The following FRMD4A variants were observed in gnomAD, a reference collection of about 807,000 sequenced individuals.
The protein encoded by FRMD4A is FERM domain-containing protein 4A.
In FRMD4A, 29 loss-of-function variants were observed where a neutral mutation model predicts 129.1. The ratio of observed to expected loss-of-function variants is 0.22; its 90% CI spans 0.17 to 0.31. FRMD4A has a LOEUF of 0.31. Ranked by LOEUF, FRMD4A falls within the 10% of genes least tolerant of loss-of-function variation. The pLI is 1.00. For missense variants in FRMD4A, 1,272 were observed against 1,375.8 expected, an observed-to-expected ratio of 0.92 and a Z score of 1.19; for synonymous variants, 634 against 571.6, an observed-to-expected ratio of 1.11 and a Z score of -1.56.
At chr10:13,824,321 C>CATAAAA (rs2093670064) in intron 3 of FRMD4A, among the ~76,000 whole-genome samples, 1 of 99,060 alleles carries the variant, frequency 1.0e-5, no homozygotes, top group African/African-American at 4.1e-5. Context: ...ACTAAAAATA[C>CATAAAA]AAAAAAAAAA....
At chr10:13,680,551 C>A (rs1417695853) in intron 15 of FRMD4A, among the ~76,000 whole-genome samples, 1 of 150,762 alleles carries the variant, frequency 6.6e-6, no homozygotes, top group Non-Finnish European at 1.5e-5. Context: ...ATGGCGAAAC[C>A]CTGTCTTCTA....
At chr10:13,650,397 C>T (rs952744785) in intron 24 of FRMD4A, among the ~76,000 whole-genome samples, 1 of 152,026 alleles carries the variant, frequency 6.6e-6, no homozygotes, top group Non-Finnish European at 1.5e-5. Context: ...CCTGCATGTG[C>T]ACATGTATGC....
intron 2 of FRMD4A, among the ~76,000 whole-genome samples, chr10:14,013,799 T>G (rs901006245): frequency 6.6e-6 from 1 of 152,064 alleles, no homozygotes; most frequent in African/African-American, 2.4e-5. Context: ...GGTGTGGTGG[T>G]GCATCCCTGT....
At chr10:14,015,958 G>A (rs1054928072) in intron 2 of FRMD4A, among the ~76,000 whole-genome samples, 11 of 152,150 alleles carry the variant, frequency 7.2e-5, no homozygotes, top group East Asian at 1.9e-4. Context: ...TCCATTGACC[G>A]CCTCCCTCTT....
chr10:14,103,690 C>A (rs992200364), intron 2 of FRMD4A, among the ~76,000 whole-genome samples: 1 of 152,058 alleles, frequency 6.6e-6, no homozygotes, highest in Non-Finnish European at 1.5e-5. Context: ...CTCATTAGTA[C>A]ATAATTGCTA....
chr10:13,994,430 G>A (rs2095615385), intron 2 of FRMD4A, among the ~76,000 whole-genome samples: 2 of 151,908 alleles, frequency 1.3e-5, no homozygotes, highest in South Asian at 4.2e-4. Flanking sequence ...GCCTGCCTCG[G>A]CCTCCCAAAG....
intron 2 of FRMD4A, among the ~76,000 whole-genome samples, chr10:14,142,356 T>G (rs749534053): frequency 6.6e-5 from 10 of 152,176 alleles, no homozygotes; most frequent in Non-Finnish European, 1.5e-4. Context: ...GTCAGGCAAT[T>G]TAAGCAGAAA....
At chr10:13,772,323 T>G (rs912622051) in intron 6 of FRMD4A, among the ~76,000 whole-genome samples, 4 of 151,640 alleles carry the variant, frequency 2.6e-5, no homozygotes, top group African/African-American at 9.7e-5. Flanking sequence ...GAGACCAGAA[T>G]AGATGCCCCT....
intron 2 of FRMD4A, among the ~76,000 whole-genome samples, chr10:14,097,699 G>C (rs1301755456): frequency 6.6e-6 from 1 of 151,056 alleles, no homozygotes; most frequent in African/African-American, 2.4e-5. Context: ...ACTAGTTTTA[G>C]TTTTATATAT....
At chr10:13,685,722 C>G in intron 15 of FRMD4A, 1 of 752,512 alleles carries the variant, frequency 1.3e-6, no homozygotes, top group Non-Finnish European at 1.6e-6. Context: ...GCAGGAGGAT[C>G]GCTTAAGCCC....
chr10:13,655,940 C>A (rs999890727), intron 22 of FRMD4A: 4 of 151,676 alleles, frequency 2.6e-5, no homozygotes, highest in African/African-American at 9.7e-5. Context: ...TGAGTGGTTT[C>A]TTCCTTTTTT....
At chr10:14,159,904 G>A (rs1840794040) in intron 2 of FRMD4A, among the ~76,000 whole-genome samples, 1 of 152,064 alleles carries the variant, frequency 6.6e-6, no homozygotes, top group Admixed American at 6.6e-5. Flanking sequence ...CAAAAAATTA[G>A]CCAGGCGTGG....
At chr10:13,847,158 A>G (rs540792986) in intron 3 of FRMD4A, among the ~76,000 whole-genome samples, 1 of 152,226 alleles carries the variant, frequency 6.6e-6, no homozygotes, top group African/African-American at 2.4e-5. Flanking sequence ...GGGTTGGAGG[A>G]GGAGTAGGAA....
intron 2 of FRMD4A, among the ~76,000 whole-genome samples, chr10:13,964,997 T>C (rs2095476240): frequency 6.6e-6 from 1 of 151,858 alleles, no homozygotes; most frequent in Non-Finnish European, 1.5e-5. Flanking sequence ...TAATGCCTCT[T>C]CCTATGTTGA....
intron 2 of FRMD4A, among the ~76,000 whole-genome samples, chr10:14,255,013 C>G (rs1287609558): frequency 6.6e-6 from 1 of 152,072 alleles, no homozygotes; most frequent in Non-Finnish European, 1.5e-5. Flanking sequence ...GGCTTGTAAC[C>G]CATCAAGCAA....
In FRMD4A at chr10:13,745,098, G is replaced by T. The variant is rs570320350; in HGVS notation, c.548+2638C>A. On this transcript the variant is annotated intron_variant, in intron 9 of 24. Transcript: ENST00000357447. The stretch of plus-strand genomic sequence containing the variant: ...TTCCCAACACAAAGAAAAGATAAAT[G>T]TTCGAGGTGATGGATATCCCAGTTA... Among the ~76,000 whole-genome samples the T allele has an allele frequency of 2.0e-5, 3 of 152,302 alleles. No homozygotes were observed. In the East Asian group the frequency reaches 5.8e-4, roughly 29 times the overall value.
intron 2 of FRMD4A, among the ~76,000 whole-genome samples, chr10:14,143,543 C>T (rs549273661): frequency 1.3e-4 from 20 of 152,284 alleles, no homozygotes; most frequent in Admixed American, 1.0e-3. Flanking sequence ...GTGATAGCAG[C>T]GCAACAATGC....
chr10:14,146,746 G>T (rs1840094891), intron 2 of FRMD4A, among the ~76,000 whole-genome samples: 1 of 152,190 alleles, frequency 6.6e-6, no homozygotes, highest in African/African-American at 2.4e-5. Context: ...AAGGCTAGCT[G>T]TCAGCTTGGG....
intron 3 of FRMD4A, among the ~76,000 whole-genome samples, chr10:13,839,156 T>A (rs932932162): frequency 6.6e-6 from 1 of 151,812 alleles, no homozygotes; most frequent in African/African-American, 2.4e-5. Context: ...CCACCACACC[T>A]AGCTAATTAA....
Sources: allele counts gnomAD v4.1 joint callset (sites outside exome capture counted in the v4.1 genomes callset), GRCh38; gene constraint gnomAD v4.1.1; transcripts MANE v1.5; gene names NCBI Gene and HGNC (gene_info 2026-07-23, HGNC 2026-07-21).